Variants in SNX18 observed in about 807,000 individuals in gnomAD.
SNX18 encodes the protein sorting nexin-18.
SNX18 carries 35 observed loss-of-function variants against 48.7 expected under a neutral mutation model. That is an observed-to-expected ratio of 0.72 (90% CI 0.55 to 0.95). SNX18 has a LOEUF of 0.95. SNX18 is among the 40% of genes least tolerant of loss of function. The probability of loss-of-function intolerance (pLI) is 0.00; values close to 1 mark genes in which losing one functional copy is unlikely to be tolerated. For synonymous variants in SNX18, 492 were observed against 384.7 expected (o/e 1.28, Z -3.26); for missense variants, 824 against 871.0 (o/e 0.95, Z 0.68).
chr5:54,548,592 T>G (rs1395092707), downstream of SNX18, among the ~76,000 whole-genome samples: 1 of 152,226 alleles, frequency 6.6e-6, no homozygotes. Context: ...ATTGTATGAT[T>G]GACTGACTTA....
chr5:54,607,769 C>A, the SNX18 span, among the ~76,000 whole-genome samples: 1 of 151,852 alleles, frequency 6.6e-6, no homozygotes, highest in Non-Finnish European at 1.5e-5. Context: ...CCCATCTCCA[C>A]AAAAAAATAC....
the SNX18 span, among the ~76,000 whole-genome samples, chr5:54,583,021 G>T: frequency 2.0e-5 from 3 of 152,196 alleles, no homozygotes; most frequent in Non-Finnish European, 4.4e-5. Context: ...AAAAGTGACA[G>T]TACTATACAA....
the SNX18 span, among the ~76,000 whole-genome samples, chr5:54,580,172 T>G: frequency 0.31 from 46,790 of 151,766 alleles, 7,518 homozygotes; most frequent in African/African-American, 0.39. Flanking sequence ...CTTCCTGATA[T>G]GGACTTTCAA....
At chr5:54,542,306 A>G (rs1163255558) in intron 1 of SNX18, among the ~76,000 whole-genome samples, 1 of 152,118 alleles carries the variant, frequency 6.6e-6, no homozygotes, top group African/African-American at 2.4e-5. Flanking sequence ...CACCCCTGCA[A>G]CACCCTCTGT....
At chr5:54,572,796 T>A in the SNX18 span, among the ~76,000 whole-genome samples, 7 of 108,268 alleles carry the variant, frequency 6.5e-5, no homozygotes, top group African/African-American at 1.8e-4. Flanking sequence ...TTTTTTTTTT[T>A]TTTTTTTTTT....
the SNX18 span, among the ~76,000 whole-genome samples, chr5:54,617,303 T>G: frequency 6.6e-6 from 1 of 152,222 alleles, no homozygotes; most frequent in Non-Finnish European, 1.5e-5. Context: ...AACAGAATAT[T>G]GAGTGCAAAT....
chr5:54,533,852 CAG>C (rs1762297594), intron 1 of SNX18, among the ~76,000 whole-genome samples: 1 of 151,702 alleles, frequency 6.6e-6, no homozygotes, highest in South Asian at 2.1e-4. Context: ...AATATTAGAG[CAG>C]AGAGGGGGAA....
At chr5:54,523,560 C>T (rs926175815) in intron 1 of SNX18, among the ~76,000 whole-genome samples, 4 of 152,128 alleles carry the variant, frequency 2.6e-5, no homozygotes, top group African/African-American at 7.2e-5. Context: ...ATTGATTTGT[C>T]GATTTGGGCT....
At chr5:54,610,464 C>T in the SNX18 span, among the ~76,000 whole-genome samples, 1 of 152,192 alleles carries the variant, frequency 6.6e-6, no homozygotes, top group Admixed American at 6.5e-5. Flanking sequence ...GCATCCTGGG[C>T]TGGCCACTCT....
At chr5:54,548,570 TCA>T (rs1389216949), downstream of SNX18, among the ~76,000 whole-genome samples, 1 of 152,220 alleles carries the variant, frequency 6.6e-6, no homozygotes, top group Non-Finnish European at 1.5e-5. Context: ...GCTCTGACCC[TCA>T]GTTTCCTCAA....
chr5:54,625,975 T>C, the SNX18 span, among the ~76,000 whole-genome samples: 316 of 152,198 alleles, frequency 2.1e-3, 2 homozygotes, highest in African/African-American at 7.4e-3. Flanking sequence ...AAGATGAAAA[T>C]GAAATATTGC....
chr5:54,539,234 T>TTA (rs1427555429), intron 1 of SNX18, among the ~76,000 whole-genome samples: 1 of 148,514 alleles, frequency 6.7e-6, no homozygotes, highest in Non-Finnish European at 1.5e-5. Context: ...TTGAAGTCAG[T>TTA]TATGCATTCA....
chr5:54,621,547 G>A, the SNX18 span, among the ~76,000 whole-genome samples: 1 of 152,152 alleles, frequency 6.6e-6, no homozygotes, highest in African/African-American at 2.4e-5. Flanking sequence ...ACAGAGCCAG[G>A]GAGGAGACAC....
chr5:54,582,656 C>G, the SNX18 span, among the ~76,000 whole-genome samples: 1 of 151,984 alleles, frequency 6.6e-6, no homozygotes, highest in Non-Finnish European at 1.5e-5. Flanking sequence ...ACCAGGCATG[C>G]TGGTGTGCAC....
At chr5:54,632,164 T>C in the SNX18 span, among the ~76,000 whole-genome samples, 14 of 152,152 alleles carry the variant, frequency 9.2e-5, no homozygotes, top group Non-Finnish European at 1.5e-4. Context: ...CCATTTCCCA[T>C]GTGGGGTCCT....
At chr5:54,619,501 G>C in the SNX18 span, among the ~76,000 whole-genome samples, 1 of 152,162 alleles carries the variant, frequency 6.6e-6, no homozygotes, top group Non-Finnish European at 1.5e-5. Flanking sequence ...GACAGAGCAA[G>C]ACCCTGTCTC....
At chr5:54,637,816 C>T in the SNX18 span, among the ~76,000 whole-genome samples, 1 of 152,194 alleles carries the variant, frequency 6.6e-6, no homozygotes, top group East Asian at 1.9e-4. Flanking sequence ...CTCTACATGA[C>T]CTTGCAAACG....
In SNX18 at chr5:54,544,605, A is replaced by C. The variant is rs1309233250; in HGVS notation, c.*1173A>C. 1 of 117,450 alleles carries C rather than the reference A, an allele frequency of 8.5e-6. No individual in the cohort carries two copies. Among genetic ancestry groups the C allele is most frequent in the African/African-American group, 2.8e-5 (1 of 35,188 alleles). 7.3% of individuals were successfully genotyped at this position (117,450 alleles called of 1,614,324 possible). Reference sequence around the variant, plus strand: ...AGGAAAAAGATAATTGATTTATACTATGTTTTAAAAAAAAAAAAGGTATTG... The same window carrying C: ...AGGAAAAAGATAATTGATTTATACTCTGTTTTAAAAAAAAAAAAGGTATTG... On this transcript the variant is annotated 3_prime_UTR_variant, in exon 2 of 2. Coordinates refer to ENST00000381410, the MANE Select transcript of SNX18 (RefSeq NM_001102575.2).
At chr5:54,561,767 A>G in the SNX18 span, among the ~76,000 whole-genome samples, 6 of 152,226 alleles carry the variant, frequency 3.9e-5, no homozygotes, top group African/African-American at 1.4e-4. Context: ...GATGTTTGTT[A>G]TGTAGAAATA....
Sources: gnomAD v4.1 joint callset for allele counts (sites outside exome capture counted in the v4.1 genomes callset) on GRCh38, gnomAD v4.1.1 for gene constraint, MANE v1.5 for transcripts, NCBI Gene and HGNC (gene_info 2026-07-23, HGNC 2026-07-21) for gene names.